The following HIVEP1 variants were observed in gnomAD, a reference collection of about 807,000 sequenced individuals.
The protein encoded by HIVEP1 is zinc finger protein 40.
In HIVEP1, 36 loss-of-function variants were observed where a neutral mutation model predicts 180.0. The observed-to-expected ratio is 0.20, with a 90% CI of 0.15 to 0.26. The LOEUF is 0.26. HIVEP1 is among the 10% of genes least tolerant of loss of function. The pLI is 1.00. For synonymous variants in HIVEP1, 1,239 were observed against 1,239.0 expected, an observed-to-expected ratio of 1.00 and a Z score of 0.00; for missense variants, 3,143 against 3,268.7, an observed-to-expected ratio of 0.96 and a Z score of 0.94.
At chr6:12,206,123 ATTTTTG>A in the HIVEP1 span, among the ~76,000 whole-genome samples, 12 of 151,870 alleles carry the variant, frequency 7.9e-5, no homozygotes, top group African/African-American at 2.7e-4. Context: ...GAGGAAATTT[ATTTTTG>A]TTTTTGTTTT....
chr6:12,099,115 C>T (rs528519756), intron 3 of HIVEP1, among the ~76,000 whole-genome samples: 91 of 150,928 alleles, frequency 6.0e-4, no homozygotes, highest in South Asian at 1.3e-3. Flanking sequence ...TGCAGGAGCC[C>T]GAGGAGCAGA....
chr6:12,034,659 C>T (rs1444531356), intron 2 of HIVEP1, among the ~76,000 whole-genome samples: 1 of 152,208 alleles, frequency 6.6e-6, no homozygotes, highest in Non-Finnish European at 1.5e-5. Context: ...CCCTCAACCC[C>T]AAGAATTCTC....
intron 2 of HIVEP1, among the ~76,000 whole-genome samples, chr6:12,026,088 T>C (rs1244024240): frequency 6.6e-6 from 1 of 152,156 alleles, no homozygotes; most frequent in Non-Finnish European, 1.5e-5. Context: ...AGAATTCTGT[T>C]TGTCTTCCGG....
chr6:12,099,915 T>C (rs1482251378), intron 3 of HIVEP1, among the ~76,000 whole-genome samples: 1 of 152,256 alleles, frequency 6.6e-6, no homozygotes, highest in Non-Finnish European at 1.5e-5. Flanking sequence ...AATGCAGTGA[T>C]GTATACAAAT....
chr6:12,200,121 C>T, the HIVEP1 span, among the ~76,000 whole-genome samples: 3 of 152,170 alleles, frequency 2.0e-5, no homozygotes, highest in African/African-American at 4.8e-5. Context: ...GCTCAGACAC[C>T]GGACCAGATT....
chr6:12,180,904 CA>C, the HIVEP1 span, among the ~76,000 whole-genome samples: 1 of 152,176 alleles, frequency 6.6e-6, no homozygotes, highest in East Asian at 1.9e-4. Flanking sequence ...GTGTAAACAA[CA>C]TGTGATTTCA....
At chr6:12,132,571 A>T (rs577406282) in intron 6 of HIVEP1, among the ~76,000 whole-genome samples, 1 of 152,202 alleles carries the variant, frequency 6.6e-6, no homozygotes, top group Non-Finnish European at 1.5e-5. Context: ...TATTAATCTT[A>T]GTGAAATTAA....
At chr6:12,129,984 T>TC in intron 5 of HIVEP1, 92 bp downstream of exon 5, 1 of 819,408 alleles carries the variant, frequency 1.2e-6, no homozygotes, top group Non-Finnish European at 2.0e-6. Context: ...AGTGCCAATT[T>TC]AGTATCGATG....
chr6:12,081,767 T>C (rs1772805144), intron 2 of HIVEP1, among the ~76,000 whole-genome samples: 1 of 152,176 alleles, frequency 6.6e-6, no homozygotes, highest in Non-Finnish European at 1.5e-5. Context: ...TATCCCCTGC[T>C]CCTTCGCAGT....
intron 2 of HIVEP1, among the ~76,000 whole-genome samples, chr6:12,056,614 C>T (rs1315275007): frequency 1.3e-5 from 2 of 152,064 alleles, no homozygotes; most frequent in Non-Finnish European, 2.9e-5. Flanking sequence ...TGTTTCTTTA[C>T]AATTTTTATG....
At chr6:12,189,830 A>G in the HIVEP1 span, among the ~76,000 whole-genome samples, 1 of 152,220 alleles carries the variant, frequency 6.6e-6, no homozygotes, top group South Asian at 2.1e-4. Context: ...TATTTATGTC[A>G]TTATGTGTAA....
chr6:12,151,046 C>T (rs943116230), intron 7 of HIVEP1, among the ~76,000 whole-genome samples: 2 of 152,038 alleles, frequency 1.3e-5, no homozygotes, highest in African/African-American at 2.4e-5. Context: ...CAGCAGTGGG[C>T]GAGCAGGTTG....
the HIVEP1 span, among the ~76,000 whole-genome samples, chr6:12,207,742 A>AAATAATTAAT: frequency 1.0e-4 from 14 of 138,176 alleles, no homozygotes; most frequent in Non-Finnish European, 1.9e-4. Context: ...AGTCTCTACA[A>AAATAATTAAT]AATAATAATA....
chr6:12,060,488 A>G (rs1001130505), intron 2 of HIVEP1, among the ~76,000 whole-genome samples: 17 of 152,246 alleles, frequency 1.1e-4, no homozygotes, highest in African/African-American at 2.9e-4. Context: ...ACTTTTCTAA[A>G]TAAATGAGAA....
At chr6:12,093,236 T>C (rs1485536515) in intron 3 of HIVEP1, among the ~76,000 whole-genome samples, 1 of 152,122 alleles carries the variant, frequency 6.6e-6, no homozygotes, top group Admixed American at 6.5e-5. Context: ...TTTGTCCATT[T>C]TGTAAAAATT....
At chr6:12,029,497 T>G (rs1768796597) in intron 2 of HIVEP1, among the ~76,000 whole-genome samples, 1 of 152,232 alleles carries the variant, frequency 6.6e-6, no homozygotes. Context: ...CATACTTTTG[T>G]TCCTCTGTAC....
chr6:12,011,441 A>C, upstream of HIVEP1, among the ~76,000 whole-genome samples: 1 of 142,418 alleles, frequency 7.0e-6, no homozygotes, highest in African/African-American at 2.6e-5. Context: ...AACCGCCCCC[A>C]ACTGAGCGAC....
At chr6:12,203,350 C>G in the HIVEP1 span, among the ~76,000 whole-genome samples, 1 of 152,200 alleles carries the variant, frequency 6.6e-6, no homozygotes, top group Non-Finnish European at 1.5e-5. Context: ...GAACGGTTAC[C>G]CATTAACACT....
the HIVEP1 span, among the ~76,000 whole-genome samples, chr6:12,181,968 T>C: frequency 6.6e-6 from 1 of 152,206 alleles, no homozygotes; most frequent in Admixed American, 6.5e-5. Flanking sequence ...AGCCGAGATA[T>C]GGAAACTATG....
Sources: gnomAD v4.1 joint callset for allele counts (sites outside exome capture counted in the v4.1 genomes callset) on GRCh38, gnomAD v4.1.1 for gene constraint, MANE v1.5 for transcripts, NCBI Gene and HGNC (gene_info 2026-07-23, HGNC 2026-07-21) for gene names.